COL28A1: variants seen among roughly 807,000 people sequenced by gnomAD.
The protein encoded by COL28A1 is collagen type XXVIII alpha 1 chain.
A neutral mutation model predicts 150.2 loss-of-function variants in COL28A1; 161 were observed. The observed-to-expected ratio is 1.07, with a 90% confidence interval of 0.94 to 1.22. The LOEUF is 1.22. Ranked by LOEUF, COL28A1 falls within the 50% of genes most tolerant of loss-of-function variation. COL28A1 has a pLI of 0.00. For synonymous variants in COL28A1, 552 were observed against 469.7 expected, an observed-to-expected ratio of 1.18 and a Z score of -2.26; for missense variants, 1,617 against 1,388.3, an observed-to-expected ratio of 1.16 and a Z score of -2.62.
chr7:7,501,546 A>G (rs1369152155), intron 11 of COL28A1, among the ~76,000 whole-genome samples: 1 of 152,234 alleles, frequency 6.6e-6, no homozygotes, highest in African/African-American at 2.4e-5. Flanking sequence ...AAAGACATCA[A>G]GAAAATGGCA....
At chr7:7,374,811 T>A (rs1206331123) in intron 31 of COL28A1, among the ~76,000 whole-genome samples, 1 of 152,194 alleles carries the variant, frequency 6.6e-6, no homozygotes, top group East Asian at 1.9e-4. Context: ...GGTTCTGGGA[T>A]TCTCTGTATA....
At chr7:7,449,107 G>A (rs1273686793) in intron 18 of COL28A1, among the ~76,000 whole-genome samples, 1 of 151,976 alleles carries the variant, frequency 6.6e-6, no homozygotes, top group East Asian at 1.9e-4. Flanking sequence ...TTAAACATGT[G>A]CATTTATTAT....
intron 15 of COL28A1, among the ~76,000 whole-genome samples, chr7:7,473,089 G>GA (rs1216484738): frequency 3.3e-5 from 5 of 152,018 alleles, no homozygotes; most frequent in African/African-American, 1.2e-4. Context: ...AGATAACATT[G>GA]AAAAAACTCT....
intron 27 of COL28A1, among the ~76,000 whole-genome samples, chr7:7,383,292 T>G (rs752811323): frequency 0.045 from 6,037 of 133,988 alleles, 165 homozygotes; most frequent in East Asian, 0.11. Context: ...GTGTGTGTTT[T>G]TTTTGAGACA....
intron 11 of COL28A1, among the ~76,000 whole-genome samples, chr7:7,503,412 AAAAT>A (rs1398942520): frequency 6.6e-6 from 1 of 152,250 alleles, no homozygotes; most frequent in African/African-American, 2.4e-5. Flanking sequence ...TACAAGTTTC[AAAAT>A]AAATAATCTT....
At chr7:7,536,825 G>A (rs143634426), upstream of COL28A1, among the ~76,000 whole-genome samples, 127 of 152,234 alleles carry the variant, frequency 8.3e-4, no homozygotes, top group Admixed American at 2.4e-3. Context: ...GCTAGGCACT[G>A]TCCTGAGTGC....
intron 2 of COL28A1, 35 bp downstream of exon 2, chr7:7,532,717 C>G (rs1388137748): frequency 6.3e-6 from 10 of 1,584,942 alleles, no homozygotes; most frequent in Non-Finnish European, 6.8e-6. Context: ...TTTTAACAGG[C>G]TAAACTTAAA....
At chr7:7,533,225 A>G (rs775858373) in intron 1 of COL28A1, among the ~76,000 whole-genome samples, 6 of 152,148 alleles carry the variant, frequency 3.9e-5, no homozygotes, top group Non-Finnish European at 7.4e-5. Context: ...ATCCCGCTCT[A>G]TATGATTACT....
chr7:7,531,510 A>G lies in COL28A1; in HGVS notation c.519T>C (p.Ser173=). 1 of 1,612,314 alleles carries G rather than the reference A, an allele frequency of 6.2e-7. No homozygotes were observed. The highest frequency in any genetic ancestry group is 8.5e-7 in the Non-Finnish European group (1 of 1,178,404). ...CTGAAATTCTGGCATCTTCAGAAAT[A>G]CTTTGAACATCTGGATTCTTTGGAT... ...IDHPKNPDVQ[S]ISEDARISGI... Residue 173 remains serine, a synonymous_variant, in exon 3 of 35, where the codon AGT becomes AGC. Coordinates refer to ENST00000399429, the MANE Select transcript of COL28A1 (RefSeq NM_001037763.3).
At chr7:7,409,240 T>C (rs1783652549) in intron 27 of COL28A1, among the ~76,000 whole-genome samples, 2 of 152,154 alleles carry the variant, frequency 1.3e-5, no homozygotes, top group Non-Finnish European at 2.9e-5. Context: ...AAATGCCTTT[T>C]ATAAATTTTC....
At position 7,530,467 on chromosome 7, in the gene COL28A1, T is replaced by C. The variant is rs140711897; in HGVS notation, c.681+881A>G. The stretch of plus-strand genomic sequence containing the variant: ...GTGCAAGCTGTAGAAAACAGCCATA[T>C]GAAACGCTCAGTACATAAAGGACAC... On this transcript the variant is annotated intron_variant, in intron 3 of 34. Coordinates refer to ENST00000399429, the MANE Select transcript of COL28A1 (RefSeq NM_001037763.3). 3.2e-3 allele frequency among the ~76,000 whole-genome samples: 485 copies of C among 152,310 alleles called. 6 individuals carry two copies. Among genetic ancestry groups the C allele is most frequent in the African/African-American group, 0.011 (449 of 41,572 alleles).
chr7:7,447,481 A>C (rs955425605), intron 18 of COL28A1, among the ~76,000 whole-genome samples: 1 of 151,744 alleles, frequency 6.6e-6, no homozygotes, highest in Non-Finnish European at 1.5e-5. Context: ...AAGGCTGAAA[A>C]ATATAGCACT....
At chr7:7,477,757 G>C (rs892460887) in intron 13 of COL28A1, among the ~76,000 whole-genome samples, 1 of 152,158 alleles carries the variant, frequency 6.6e-6, no homozygotes, top group Admixed American at 6.5e-5. Context: ...AAAGAACAAA[G>C]CTTCCACGGT....
At chr7:7,531,058 C>T (rs1562928029) in intron 3 of COL28A1, among the ~76,000 whole-genome samples, 3 of 152,092 alleles carry the variant, frequency 2.0e-5, no homozygotes, top group East Asian at 1.9e-4. Flanking sequence ...GCTGTATAAA[C>T]AGGAGCTTAA....
upstream of COL28A1, among the ~76,000 whole-genome samples, chr7:7,536,201 C>T (rs910475043): frequency 6.6e-6 from 1 of 152,122 alleles, no homozygotes; most frequent in South Asian, 2.1e-4. Context: ...TGACACCAGA[C>T]TCAGAATCAA....
intron 27 of COL28A1, among the ~76,000 whole-genome samples, chr7:7,416,208 T>C (rs1054757660): frequency 6.6e-6 from 1 of 152,240 alleles, no homozygotes; most frequent in African/African-American, 2.4e-5. Context: ...TAAGATGGGA[T>C]ACGTGGCAGT....
chr7:7,435,263 T>C (rs1785259372), intron 23 of COL28A1, among the ~76,000 whole-genome samples: 1 of 152,208 alleles, frequency 6.6e-6, no homozygotes, highest in African/African-American at 2.4e-5. Context: ...ACAGCTTCAA[T>C]CTATCAAAAT....
At chr7:7,391,592 C>G (rs1297405384) in intron 27 of COL28A1, among the ~76,000 whole-genome samples, 1 of 152,086 alleles carries the variant, frequency 6.6e-6, no homozygotes, top group South Asian at 2.1e-4. Context: ...AAGTCTCCCA[C>G]TATTATTGTG....
At chr7:7,376,578 CGCATTTAAAAAG>C (rs1199310568) in intron 30 of COL28A1, among the ~76,000 whole-genome samples, 15 of 151,634 alleles carry the variant, frequency 9.9e-5, no homozygotes, top group Admixed American at 9.2e-4. Context: ...CATGCTTTTC[CGCATTTAAAAAG>C]GCATTTAAAA....
Sources: gnomAD v4.1 joint callset for allele counts (sites outside exome capture counted in the v4.1 genomes callset) on GRCh38, gnomAD v4.1.1 for gene constraint, MANE v1.5 for transcripts, NCBI Gene and HGNC (gene_info 2026-07-23, HGNC 2026-07-21) for gene names.